Variants in PPP1R1C observed in about 807,000 individuals in gnomAD.
PPP1R1C encodes protein phosphatase 1 regulatory inhibitor subunit 1C, also known as protein phosphatase 1 regulatory subunit 1C.
PPP1R1C carries 15 observed loss-of-function variants against 17.4 expected under a neutral mutation model. The observed-to-expected ratio is 0.86, with a 90% confidence interval of 0.58 to 1.33. The LOEUF (loss-of-function observed/expected upper bound fraction) is 1.33. Among genes scored for constraint, PPP1R1C ranks in the 40% most tolerant of loss-of-function variants. PPP1R1C has a pLI of 0.00. For missense variants in PPP1R1C, 143 were observed against 130.0 expected (o/e 1.10, Z -0.48); for synonymous variants, 35 against 43.1 (o/e 0.81, Z 0.73).
intron 4 of PPP1R1C, among the ~76,000 whole-genome samples, chr2:182,074,041 CT>C (rs554848749): frequency 0.3 from 39,016 of 130,882 alleles, 5,061 homozygotes; most frequent in Non-Finnish European, 0.37. Context: ...AATTCTTCTT[CT>C]TTTTTTTTTT....
chr2:182,051,779 A>G (rs1427389536), intron 2 of PPP1R1C, among the ~76,000 whole-genome samples: 3 of 152,112 alleles, frequency 2.0e-5, no homozygotes, highest in African/African-American at 7.2e-5. Context: ...TTGTTTTTTG[A>G]TATTAGAGTG....
Position 182,030,588 on chromosome 2 carries a change from A to G in PPP1R1C, c.143-30854A>G, listed in dbSNP as rs377367086. Among the ~76,000 whole-genome samples, 245 of 149,900 alleles carry G rather than the reference A, an allele frequency of 1.6e-3. 4 individuals are homozygous for G. Among genetic ancestry groups the G allele is most frequent in the African/African-American group, 5.0e-3 (203 of 40,786 alleles). The stretch of plus-strand genomic sequence containing the variant: ...TGCCCGTTCTCAGATCTCCAGCTGC[A>G]TGCTGGGAGAACCACTGCTCTCTTC... On this transcript the variant is annotated intron_variant, in intron 2 of 4. Transcript: ENST00000682840.
At chr2:182,006,202 T>G (rs1314996152) in intron 2 of PPP1R1C, among the ~76,000 whole-genome samples, 2 of 152,146 alleles carry the variant, frequency 1.3e-5, no homozygotes, top group Non-Finnish European at 2.9e-5. Flanking sequence ...AGAATTTGGG[T>G]TAATTTTATA....
At chr2:182,104,648 A>AT (rs1303790516) in intron 4 of PPP1R1C, among the ~76,000 whole-genome samples, 1 of 152,178 alleles carries the variant, frequency 6.6e-6, no homozygotes, top group Non-Finnish European at 1.5e-5. Context: ...GTGCTATTGA[A>AT]TTTGATTTAC....
chr2:181,979,529 T>C (rs1016443852), intron 2 of PPP1R1C, among the ~76,000 whole-genome samples: 3 of 152,278 alleles, frequency 2.0e-5, no homozygotes, highest in Non-Finnish European at 4.4e-5. Flanking sequence ...TACTCTCTTA[T>C]GTGAATCTCT....
At chr2:181,963,592 C>T (rs1684848691) in intron 1 of PPP1R1C, among the ~76,000 whole-genome samples, 1 of 152,100 alleles carries the variant, frequency 6.6e-6, no homozygotes, top group African/African-American at 2.4e-5. Flanking sequence ...TTGCAGTGAG[C>T]CAAGATTGGG....
rs189429215 is a variant in PPP1R1C, at chr2:182,100,139, C to G, written c.242-17068C>G. ...TAAGTGTCATTCAGAGGTAATGATA[C>G]AGAAGAAAAAAGTACTTAAGTTGCC... is the stretch of plus-strand genomic sequence containing the variant. On this transcript the variant is annotated intron_variant, in intron 4 of 4. Coordinates refer to ENST00000682840, the MANE Select transcript of PPP1R1C (RefSeq NM_001080545.3). Among the ~76,000 whole-genome samples, 457 of 152,196 alleles carry G rather than the reference C, an allele frequency of 3.0e-3. 2 individuals carry two copies. The highest frequency in any genetic ancestry group is 4.8e-3 in the Non-Finnish European group (329 of 68,018).
chr2:182,093,047 C>T (rs1688833804), intron 4 of PPP1R1C, among the ~76,000 whole-genome samples: 1 of 152,188 alleles, frequency 6.6e-6, no homozygotes, highest in African/African-American at 2.4e-5. Context: ...TGCACTGCCG[C>T]AGCAGAAATT....
At chr2:182,063,986 A>C in intron 4 of PPP1R1C, 195 bp downstream of exon 4, 2 of 467,566 alleles carry the variant, frequency 4.3e-6, no homozygotes, top group South Asian at 9.9e-5. Flanking sequence ...GGGTTGAAAA[A>C]GAAATAGCTA....
At chr2:182,076,181 CTTTTTTTTTTCTTTTCTTTTTTTTT>C (rs1688293791) in intron 4 of PPP1R1C, among the ~76,000 whole-genome samples, 9 of 47,526 alleles carry the variant, frequency 1.9e-4, no homozygotes, top group African/African-American at 6.0e-4. Context: ...GGATTTTGAA[CTTTTTTTTTTCTTTTCTTTTTTTTT>C]TTTTTTTTTT....
Position 182,025,212 on chromosome 2 carries a change from TTTA to T in PPP1R1C, c.143-36227_143-36225del, listed in dbSNP as rs1686565074. ...ATTATTATTATTATTTATTTATTTA[TTTA>T]TTTTTATTATACTTTAAGTTTTAGG... On this transcript the variant is annotated intron_variant, in intron 2 of 4. Coordinates refer to ENST00000682840, the MANE Select transcript of PPP1R1C (RefSeq NM_001080545.3). 4.0e-5 allele frequency among the ~76,000 whole-genome samples: 6 copies of T among 148,328 alleles called. No individual in the cohort carries two copies. The South Asian group carries it at 1.3e-3, about 31-fold the overall frequency.
At chr2:182,027,188 T>C (rs1686643900) in intron 2 of PPP1R1C, among the ~76,000 whole-genome samples, 1 of 122,022 alleles carries the variant, frequency 8.2e-6, no homozygotes, top group South Asian at 3.1e-4. Context: ...TTTTCCTAAT[T>C]GAATACCCTT....
intron 4 of PPP1R1C, among the ~76,000 whole-genome samples, chr2:182,083,165 A>G (rs1688530962): frequency 6.6e-6 from 1 of 152,242 alleles, no homozygotes; most frequent in Admixed American, 6.5e-5. Context: ...GATTATTGTC[A>G]TACTTTCAAT....
intron 2 of PPP1R1C, among the ~76,000 whole-genome samples, chr2:182,004,898 G>A (rs1381466661): frequency 1.3e-5 from 2 of 152,176 alleles, no homozygotes; most frequent in African/African-American, 2.4e-5. Flanking sequence ...TATAGATGCT[G>A]GGGCCTTTTC....
chr2:182,090,289 C>CTGTGTGTGTGTGTGTGTGTGTGTGTG (rs142618201), intron 4 of PPP1R1C, among the ~76,000 whole-genome samples: 80 of 145,692 alleles, frequency 5.5e-4, no homozygotes, highest in African/African-American at 1.9e-3. Flanking sequence ...ACTATAAATT[C>CTGTGTGTGTGTGTGTGTGTGTGTGTG]TGTGTGTGTG....
downstream of PPP1R1C, among the ~76,000 whole-genome samples, chr2:182,122,256 T>G (rs1275106537): frequency 6.6e-6 from 1 of 152,164 alleles, no homozygotes. Context: ...TACCATTCAC[T>G]TTTAGTGTTA....
Position 182,117,685 on chromosome 2 carries a change from A to T in PPP1R1C, c.*390A>T, listed in dbSNP as rs1689628768. The T allele has an allele frequency of 8.0e-6, 1 of 125,612 alleles. No individual in the cohort carries two copies. The highest frequency in any genetic ancestry group is 3.8e-5 in the African/African-American group (1 of 26,240). The allele number at this position is 125,612 out of a possible 1,614,324, so 7.8% of individuals were successfully genotyped here. On this transcript the variant is annotated 3_prime_UTR_variant, in exon 5 of 5. Transcript: ENST00000682840. ...TAAAAAATAAATAGTAAACACATTT[A>T]GACATGAGTGTGTGTGTGTGTGTGT... is the stretch of plus-strand genomic sequence containing the variant.
At position 181,987,891 on chromosome 2, in the gene PPP1R1C, AC is replaced by A; in HGVS notation, c.140del (p.Pro47GlnfsTer3). On this transcript the variant is annotated frameshift_variant, in exon 2 of 5. Transcript: ENST00000682840. LOFTEE classifies it high-confidence loss of function. ...PASLVILNEH[N>X]PPEIDDKRGP... is the part of the protein sequence containing the mutation. ...TCACTTGTGATTCTCAATGAGCATA[AC>A]CCCCCAGGTAAAGAAGCATGATGTG... 6 of 1,612,604 alleles carry A rather than the reference AC, an allele frequency of 3.7e-6. No individual in the cohort carries two copies. The highest frequency in any genetic ancestry group is 5.1e-6 in the Non-Finnish European group (6 of 1,178,982).
rs565725724 is a variant in PPP1R1C at position 181,964,090 on chromosome 2, A to C, written n.111+9456A>C. 2.0e-5 allele frequency among the ~76,000 whole-genome samples: 3 copies of C among 152,350 alleles called. No homozygotes were observed. The South Asian group carries it at 6.2e-4, about 32-fold the overall frequency. ...AAATATATTTTTGTACGCATTAACC[A>C]GCCCTACTCCCTCACTCCACAAGTA... is the stretch of plus-strand genomic sequence containing the variant. On this transcript the variant is annotated intron_variant and non_coding_transcript_variant, in intron 1 of 5. Coordinates refer to the PPP1R1C transcript ENST00000464264.
Sources: allele counts gnomAD v4.1 joint callset (sites outside exome capture counted in the v4.1 genomes callset), GRCh38; gene constraint gnomAD v4.1.1; transcripts MANE v1.5; gene names NCBI Gene and HGNC (gene_info 2026-07-23, HGNC 2026-07-21).